RGSL1: variants seen among roughly 807,000 people sequenced by gnomAD.
RGSL1 encodes the protein regulator of G protein signaling protein-like.
A neutral mutation model predicts 124.7 loss-of-function variants in RGSL1; 97 were observed. The observed-to-expected ratio is 0.78, with a 90% CI of 0.66 to 0.92. The LOEUF is 0.92. Ranked by LOEUF, RGSL1 falls within the 40% of genes least tolerant of loss-of-function variation. The pLI, the probability that RGSL1 is intolerant of heterozygous loss-of-function variation, is 0.00. For synonymous variants in RGSL1, 424 were observed against 438.1 expected, an observed-to-expected ratio of 0.97 and a Z score of 0.40; for missense variants, 1,233 against 1,288.4, an observed-to-expected ratio of 0.96 and a Z score of 0.66.
chr1:182,540,459 G>T, intron 15 of RGSL1, 38 bp downstream of exon 15: 1 of 1,530,280 alleles, frequency 6.5e-7, no homozygotes. Context: ...CCCTGAAAAT[G>T]ACTTTTCATC....
intron 9 of RGSL1, among the ~76,000 whole-genome samples, chr1:182,497,863 T>C (rs1450800607): frequency 1.3e-5 from 2 of 152,118 alleles, no homozygotes; most frequent in Non-Finnish European, 2.9e-5. Context: ...TGGTGCACGA[T>C]TTTGCTTTGT....
rs772405024 is a variant in RGSL1, at chr1:182,540,345, C to T, written c.2593C>T (p.Arg865Cys). 1.2e-5 allele frequency: 19 copies of T among 1,551,224 alleles called. No individual in the cohort carries two copies. The highest frequency in any genetic ancestry group is 3.3e-4 in the Middle Eastern group (2 of 6,010). ...GAATGGAGAAATAACCCTTGTAAAG[C>T]GTCGTATATTTGGCCACAGGATTAT... The part of the protein sequence containing the change: ...QENGEITLVK[R>C]RIFGHRIITV... The change falls in exon 15 of 22, where the codon CGT becomes TGT. Residue 865 changes from arginine to cysteine, a missense_variant. Arg to Cys is a radical substitution (Grantham distance 180). Coordinates refer to ENST00000294854, the MANE Select transcript of RGSL1 (RefSeq NM_001137669.2).
chr1:182,488,501 T>G (rs1655263134), intron 7 of RGSL1, 154 bp downstream of exon 7: 3 of 732,030 alleles, frequency 4.1e-6, no homozygotes, highest in Non-Finnish European at 6.8e-6. Context: ...GTTCTAAAGC[T>G]AAACCTCTCA....
intron 10 of RGSL1, among the ~76,000 whole-genome samples, chr1:182,524,507 T>A (rs1239135196): frequency 6.6e-6 from 1 of 152,146 alleles, no homozygotes; most frequent in East Asian, 1.9e-4. Context: ...AAAGTAAAAC[T>A]GGGAAAACCA....
intron 17 of RGSL1, chr1:182,550,629 T>A (rs1296929551): frequency 6.4e-6 from 1 of 156,314 alleles, no homozygotes; most frequent in Non-Finnish European, 1.4e-5. Flanking sequence ...CCAGGTCTAT[T>A]CCAGGGAAGG....
chr1:182,469,352 C>A (rs1558250244), intron 4 of RGSL1, among the ~76,000 whole-genome samples: 1 of 152,076 alleles, frequency 6.6e-6, no homozygotes, highest in South Asian at 2.1e-4. Context: ...AGGGAAAAGA[C>A]TTAATTAAAC....
At chr1:182,555,318 A>G (rs1660802521) in intron 20 of RGSL1, 1 of 154,306 alleles carries the variant, frequency 6.5e-6, no homozygotes, top group Non-Finnish European at 1.4e-5. Flanking sequence ...ACATGATTTT[A>G]TCTTTTTATG....
intron 9 of RGSL1, among the ~76,000 whole-genome samples, chr1:182,498,024 T>C (rs148548479): frequency 7.4e-4 from 113 of 152,268 alleles, no homozygotes; most frequent in African/African-American, 2.6e-3. Flanking sequence ...CTTTGATCAT[T>C]TGGTTAATGT....
chr1:182,448,244 C>T (rs1651592149), upstream of RGSL1: 1 of 153,414 alleles, frequency 6.5e-6, no homozygotes, highest in Admixed American at 6.5e-5. Flanking sequence ...GTTTTTGAGA[C>T]AGAGTCTCAT....
intron 14 of RGSL1, among the ~76,000 whole-genome samples, chr1:182,539,657 G>A (rs192334769): frequency 2.7e-3 from 414 of 152,256 alleles, no homozygotes; most frequent in Non-Finnish European, 3.8e-3. Context: ...GAATCCCTAC[G>A]AATAGATGTC....
chr1:182,513,761 G>A (rs1657648810), intron 9 of RGSL1, among the ~76,000 whole-genome samples: 1 of 152,112 alleles, frequency 6.6e-6, no homozygotes, highest in Non-Finnish European at 1.5e-5. Flanking sequence ...CCTTACATCA[G>A]GGGCTGCCTG....
chr1:182,476,574 T>A (rs779438357), intron 6 of RGSL1, among the ~76,000 whole-genome samples: 1 of 152,170 alleles, frequency 6.6e-6, no homozygotes. Context: ...CCCTTGCCCC[T>A]CATCAACTCA....
Position 182,474,226 on chromosome 1 carries a change from T to C in RGSL1, c.1115T>C (p.Leu372Ser), listed in dbSNP as rs1269938742. 1 of 1,551,836 alleles carries C rather than the reference T, an allele frequency of 6.4e-7. No homozygotes were observed. Among genetic ancestry groups the C allele is most frequent in the African/African-American group, 1.4e-5 (1 of 73,050 alleles). Residue 372 changes from leucine (L) to serine (S), a missense_variant, in exon 6 of 22, where the codon TTG (leucine) becomes TCG (serine). Leu to Ser is a moderately radical substitution (Grantham distance 145). Coordinates refer to ENST00000294854, the MANE Select transcript of RGSL1 (RefSeq NM_001137669.2). ...AGCTTCTCCTTAGGATACATCCACT[T>C]GGCCTTGTGTGCTGATGCCTGTGCA... ...KQSFSLGYIH[L>S]ALCADACAGN...
chr1:182,486,141 A>G (rs1655078159), intron 6 of RGSL1, among the ~76,000 whole-genome samples: 1 of 152,184 alleles, frequency 6.6e-6, no homozygotes, highest in African/African-American at 2.4e-5. Context: ...TCTAACGAAA[A>G]ACTATTAAAA....
intron 9 of RGSL1, among the ~76,000 whole-genome samples, chr1:182,509,522 A>G (rs796128733): frequency 0.81 from 48,233 of 59,700 alleles, 19,888 homozygotes; most frequent in Non-Finnish European, 0.83. Context: ...CGGACGGGGC[A>G]GCTGGCCGGG....
rs1003390526 is a variant in RGSL1, at chr1:182,530,104, C to A, written c.2126-140C>A. The A allele has an allele frequency of 1.3e-5, 8 of 610,914 alleles. No homozygotes were observed. The Admixed American group carries it at 2.1e-4, about 16-fold the overall frequency. 37.8% of individuals were successfully genotyped at this position (610,914 alleles called of 1,614,324 possible). A position where few individuals can be genotyped will look rare whatever the true frequency, so the allele number is the denominator to read the frequency against. ...TATGCTTTGGAGATTTTCAAACAAACTATGGCGGGATCAGAGTCTAGCCAG... is the reference window on the plus strand; with the variant it reads ...TATGCTTTGGAGATTTTCAAACAAAATATGGCGGGATCAGAGTCTAGCCAG... On this transcript the variant is annotated intron_variant, in intron 11 of 21. Coordinates refer to ENST00000294854, the MANE Select transcript of RGSL1 (RefSeq NM_001137669.2).
intron 9 of RGSL1, among the ~76,000 whole-genome samples, chr1:182,515,761 C>T (rs984917941): frequency 1.3e-5 from 2 of 152,268 alleles, no homozygotes; most frequent in Middle Eastern, 3.4e-3. Context: ...CCACCCGCAC[C>T]GTGGCCATTG....
intron 8 of RGSL1, among the ~76,000 whole-genome samples, chr1:182,492,217 T>C: frequency 6.6e-6 from 1 of 152,210 alleles, no homozygotes; most frequent in Non-Finnish European, 1.5e-5. Context: ...AATGCATTTG[T>C]AGTTGTGGTC....
intron 14 of RGSL1, among the ~76,000 whole-genome samples, chr1:182,534,289 T>A (rs1028992160): frequency 6.6e-6 from 1 of 152,184 alleles, no homozygotes; most frequent in East Asian, 1.9e-4. Flanking sequence ...TCATCAACAG[T>A]GTGTTGTACA....
Sources: allele counts gnomAD v4.1 joint callset (sites outside exome capture counted in the v4.1 genomes callset), GRCh38; gene constraint gnomAD v4.1.1; transcripts MANE v1.5; gene names NCBI Gene and HGNC (gene_info 2026-07-23, HGNC 2026-07-21).